CP: variants seen among roughly 807,000 people sequenced by gnomAD.
CP encodes caeruloplasmin.
CP carries 64 observed loss-of-function variants against 122.4 expected under a neutral mutation model. The observed-to-expected ratio is 0.52, with a 90% CI of 0.43 to 0.64. CP has a LOEUF of 0.64. CP is among the 30% of genes least tolerant of loss of function. The pLI, the probability that CP is intolerant of heterozygous loss-of-function variation, is 0.00. For missense variants in CP, 1,167 were observed against 1,284.4 expected, an observed-to-expected ratio of 0.91 and a Z score of 1.40; for synonymous variants, 440 against 436.4, an observed-to-expected ratio of 1.01 and a Z score of -0.10.
rs766510926 is a variant in CP at position 149,177,996 on chromosome 3, G to C, written c.2879-17C>G. Reference sequence around the variant, plus strand: ...CATTAATAGCTAGGGAAAGCATATGGTTTTATGTTACTTTTCAGGATATTT... The same window carrying C: ...CATTAATAGCTAGGGAAAGCATATGCTTTTATGTTACTTTTCAGGATATTT... On this transcript the variant is annotated splice_polypyrimidine_tract_variant and intron_variant, in intron 16 of 18. Coordinates refer to ENST00000264613, the MANE Select transcript of CP (RefSeq NM_000096.4). 1.2e-6 allele frequency: 2 copies of C among 1,609,814 alleles called. No individual in the cohort carries two copies. Among genetic ancestry groups the C allele is most frequent in the South Asian group, 2.2e-5 (2 of 90,990 alleles).
intron 10 of CP, among the ~76,000 whole-genome samples, chr3:149,187,765 G>C (rs1348211384): frequency 6.6e-6 from 1 of 152,148 alleles, no homozygotes; most frequent in Non-Finnish European, 1.5e-5. Flanking sequence ...GTCAGGGTAG[G>C]GGTCTAAGAA....
Position 149,176,344 on chromosome 3 carries a change from A to G in CP, c.3087T>C (p.Phe1029=), listed in dbSNP as rs1193570480. 6.2e-7 allele frequency: 1 copy of G among 1,613,590 alleles called. No homozygotes were observed. Residue 1029 remains phenylalanine (F), a synonymous_variant, in exon 18 of 19, where the codon TTT becomes TTC. Transcript: ENST00000264613. The stretch of plus-strand genomic sequence containing the variant: ...GTAACCAAATTCCAGGTGTTCTTGG[A>G]AACATTTCTAGGGTTTGGTATGTTC... ...FPGTYQTLEM[F]PRTPGIWLLH...
rs531580451 is a variant in CP, at chr3:149,199,816, T to A, written c.1397A>T (p.His466Leu). 6.2e-7 allele frequency: 1 copy of A among 1,614,168 alleles called. No individual in the cohort carries two copies. The highest frequency in any genetic ancestry group is 2.2e-5 in the East Asian group (1 of 44,882). The part of the protein sequence containing the change: ...EVGDTIRVTF[H>L]NKGAYPLSIE... ...ACTGAGGGGATATGCTCCTTTGTTA[T>A]GGAAGGTTACTCTGATGGTGTCTCC... The change falls in exon 8 of 19, where the codon CAT (histidine) becomes CTT (leucine). Residue 466 changes from histidine (H) to leucine (L), a missense_variant. Transcript: ENST00000264613.
chr3:149,214,347 A>C (rs1311649003), intron 1 of CP, among the ~76,000 whole-genome samples: 1 of 152,152 alleles, frequency 6.6e-6, no homozygotes, highest in Non-Finnish European at 1.5e-5. Flanking sequence ...AAGAGTCACC[A>C]TTCTCTGGAT....
intron 14 of CP, 53 bp from the exon 15 acceptor site, chr3:149,179,715 C>CACAT: frequency 4.0e-6 from 2 of 502,800 alleles, no homozygotes; most frequent in East Asian, 7.7e-5. Flanking sequence ...ATATTGTACA[C>CACAT]ACACACACAC....
Position 149,207,622 on chromosome 3 carries a change from A to C in CP, c.782-5T>G. On this transcript the variant is annotated splice_polypyrimidine_tract_variant and splice_region_variant and intron_variant, in intron 4 of 18. Transcript: ENST00000264613. ...CAAAAGTGTATCCATTCACAGCTGT[A>C]AGTCAAGAGCAGAGTTTGTGACTAA... 1 of 1,613,780 alleles carries C rather than the reference A, an allele frequency of 6.2e-7. No individual in the cohort carries two copies. The highest frequency in any genetic ancestry group is 8.5e-7 in the Non-Finnish European group (1 of 1,179,666).
At chr3:149,188,490 C>CCAA (rs776132797) in intron 9 of CP, among the ~76,000 whole-genome samples, 1 of 46,102 alleles carries the variant, frequency 2.2e-5, no homozygotes, top group Non-Finnish European at 4.4e-5. Flanking sequence ...TTGAAGCCTC[C>CCAA]AAAAAAAAAA....
chr3:149,176,584 A>G (rs574785164), intron 17 of CP, 172 bp from the exon 18 acceptor site: 111 of 605,584 alleles, frequency 1.8e-4, no homozygotes, highest in Non-Finnish European at 1.8e-4. Context: ...TGTATTCCTA[A>G]TAAGTCTTTG....
intron 1 of CP, among the ~76,000 whole-genome samples, chr3:149,217,602 G>A (rs1293696393): frequency 6.6e-6 from 1 of 152,108 alleles, no homozygotes; most frequent in Non-Finnish European, 1.5e-5. Context: ...TGTGGTCTTA[G>A]GGCACCCAAT....
At chr3:149,186,482 A>C (rs1726178792) in intron 11 of CP, 38 bp downstream of exon 11, 1 of 1,594,410 alleles carries the variant, frequency 6.3e-7, no homozygotes, top group African/African-American at 1.3e-5. Flanking sequence ...AAACTACACA[A>C]ATCCATCCAA....
At position 149,206,165 on chromosome 3, in the gene CP, T is replaced by C; in HGVS notation, c.1208+3A>G. Reference sequence around the variant, plus strand: ...GAAATAGTACTCTTTTTTTGTAAATTACCTTCCAGGTGCTGTTAAGTTTTC... The same window carrying C: ...GAAATAGTACTCTTTTTTTGTAAATCACCTTCCAGGTGCTGTTAAGTTTTC... On this transcript the variant is annotated splice_donor_region_variant and intron_variant, in intron 6 of 18. Coordinates refer to ENST00000264613, the MANE Select transcript of CP (RefSeq NM_000096.4). 1 of 1,613,606 alleles carries C rather than the reference T, an allele frequency of 6.2e-7. No homozygotes were observed. Among genetic ancestry groups the C allele is most frequent in the Admixed American group, 1.7e-5 (1 of 60,022 alleles).
At chr3:149,218,506 C>T (rs1396304955) in intron 1 of CP, among the ~76,000 whole-genome samples, 1 of 151,924 alleles carries the variant, frequency 6.6e-6, no homozygotes, top group African/African-American at 2.4e-5. Context: ...TTTTAGTCCC[C>T]CCCAAAACCT....
intron 6 of CP, among the ~76,000 whole-genome samples, chr3:149,205,058 C>T (rs1329812139): frequency 6.6e-6 from 1 of 151,874 alleles, no homozygotes. Context: ...CTTAAATAGA[C>T]ATTTATCTGA....
intron 2 of CP, 32 bp from the exon 3 acceptor site, chr3:149,210,411 T>A (rs1212211680): frequency 6.4e-7 from 1 of 1,564,524 alleles, no homozygotes; most frequent in Non-Finnish European, 8.8e-7. Flanking sequence ...AGGTGCAAAG[T>A]GAATGTGTTT....
chr3:149,186,522 T>C lies in CP; in HGVS notation c.2075A>G (p.Glu692Gly), dbSNP rs1447847222. The change falls in exon 11 of 19, where the codon GAG becomes GGG. Residue 692 changes from glutamate (E) to glycine (G), a missense_variant and splice_region_variant. Physicochemically the swap from Glu to Gly is moderately conservative, Grantham distance 98 (BLOSUM62 -2). Around this residue, in one of 2 missense-constraint regions of CP, gnomAD observed 525 missense variants for 657.2 expected, o/e 0.80. Transcript: ENST00000264613. ...SLTLHMWPDTEGTFNVECLTT... is the reference protein window; with the variant it reads ...SLTLHMWPDTGGTFNVECLTT... ...GACTTGGCTTTAAGTAAATATACCC[T>C]CTGTGTCAGGCCACATGTGGAGCGT... 14 of 1,613,954 alleles carry C rather than the reference T, an allele frequency of 8.7e-6. No homozygotes were observed. The highest frequency in any genetic ancestry group is 4.0e-5 in the African/African-American group (3 of 74,918).
At chr3:149,164,495 A>G (rs891812255) in intron 5 of CP, among the ~76,000 whole-genome samples, 1 of 152,234 alleles carries the variant, frequency 6.6e-6, no homozygotes, top group Non-Finnish European at 1.5e-5. Context: ...TGAGAATTAA[A>G]GTCCACATTT....
rs550718106 is a variant in CP, at chr3:149,221,078, G to A, written c.146+569C>T. ...ACATATGTGCCAAGCATTGTACTAA[G>A]AGCTTTACATGCACCCGCTCTTTAA... On this transcript the variant is annotated intron_variant, in intron 1 of 18. Coordinates refer to ENST00000264613, the MANE Select transcript of CP (RefSeq NM_000096.4). 2.0e-4 allele frequency among the ~76,000 whole-genome samples: 30 copies of A among 152,252 alleles called. 1 individual carries two copies. The highest frequency in any genetic ancestry group is 6.7e-4 in the African/African-American group (28 of 41,570).
At chr3:149,201,186 A>T (rs36103142) in intron 7 of CP, among the ~76,000 whole-genome samples, 2,181 of 150,932 alleles carry the variant, frequency 0.014, 55 homozygotes, top group African/African-American at 0.049. Flanking sequence ...TGCAGTGGCA[A>T]GATCTCAGCT....
intron 1 of CP, among the ~76,000 whole-genome samples, chr3:149,215,352 A>G (rs1287021322): frequency 6.6e-6 from 1 of 152,228 alleles, no homozygotes; most frequent in Admixed American, 6.5e-5. Context: ...ACCAAGACCA[A>G]GACCTATATT....
Sources: gnomAD v4.1 joint callset for allele counts (sites outside exome capture counted in the v4.1 genomes callset) on GRCh38, gnomAD v4.1.1 for gene constraint, gnomAD v4.1.1 regional missense constraint, MANE v1.5 for transcripts, NCBI Gene and HGNC (gene_info 2026-07-23, HGNC 2026-07-21) for gene names.